Variants in RIMS2 observed in about 807,000 individuals in gnomAD.
The protein encoded by RIMS2 is regulating synaptic membrane exocytosis protein 2.
A neutral mutation model predicts 174.4 loss-of-function variants in RIMS2; 59 were observed. That is an observed-to-expected ratio of 0.34 (90% confidence interval 0.27 to 0.42). The LOEUF (loss-of-function observed/expected upper bound fraction) is 0.42, where lower values mean the gene tolerates loss of function less well. RIMS2 is among the 10% of genes least tolerant of loss of function. RIMS2 has a pLI of 1.00. For synonymous variants in RIMS2, 606 were observed against 572.5 expected (o/e 1.06, Z -0.84); for missense variants, 1,620 against 1,666.3 (o/e 0.97, Z 0.48).
At chr8:104,071,074 G>C (rs1025692844) in intron 19 of RIMS2, among the ~76,000 whole-genome samples, 1 of 152,094 alleles carries the variant, frequency 6.6e-6, no homozygotes, top group Non-Finnish European at 1.5e-5. Context: ...ATAAAGACAA[G>C]TTTCTTAGAA....
At chr8:103,588,663 G>T (rs2094098856) in intron 1 of RIMS2, among the ~76,000 whole-genome samples, 1 of 151,718 alleles carries the variant, frequency 6.6e-6, no homozygotes, top group Non-Finnish European at 1.5e-5. Context: ...TTGGGAAAGG[G>T]CAGTCTCTTC....
At chr8:103,535,811 A>G (rs564400597) in intron 1 of RIMS2, among the ~76,000 whole-genome samples, 1 of 152,372 alleles carries the variant, frequency 6.6e-6, no homozygotes, top group East Asian at 1.9e-4. Context: ...AACAAAGTTC[A>G]GAAGGAGCTA....
chr8:104,072,691 G>A (rs969835118), intron 19 of RIMS2, among the ~76,000 whole-genome samples: 1 of 151,796 alleles, frequency 6.6e-6, no homozygotes, highest in Non-Finnish European at 1.5e-5. Context: ...CATTCTACAT[G>A]GCATTGCTCC....
Position 103,522,760 on chromosome 8 carries a change from T to C in RIMS2, c.176+21698T>C, listed in dbSNP as rs557834215. ...TAATTTCTGAATGGCTAATAAGTTA[T>C]AACCTTAAACAGATATTTACTTACC... On this transcript the variant is annotated intron_variant, in intron 1 of 23. Coordinates refer to ENST00000504942, the Ensembl canonical transcript of RIMS2. 4.6e-5 allele frequency among the ~76,000 whole-genome samples: 7 copies of C among 152,310 alleles called. No homozygotes were observed. The South Asian group carries it at 1.4e-3, about 32-fold the overall frequency.
intron 17 of RIMS2, among the ~76,000 whole-genome samples, chr8:104,003,249 T>C (rs912867639): frequency 1.3e-5 from 2 of 152,042 alleles, no homozygotes; most frequent in East Asian, 1.9e-4. Flanking sequence ...ATTATTTAGA[T>C]TGATGTGGAG....
intron 19 of RIMS2, among the ~76,000 whole-genome samples, chr8:104,145,380 A>G (rs1389239766): frequency 6.6e-6 from 1 of 152,148 alleles, no homozygotes; most frequent in African/African-American, 2.4e-5. Flanking sequence ...TAAAAAAATT[A>G]CTAATGTAAT....
At chr8:103,946,026 G>C (rs555146008) in intron 14 of RIMS2, among the ~76,000 whole-genome samples, 11 of 152,128 alleles carry the variant, frequency 7.2e-5, no homozygotes, top group Admixed American at 1.3e-4. Flanking sequence ...AGAATGGTGA[G>C]GGAGAAGAGA....
chr8:103,945,164 T>C (rs952793005), intron 14 of RIMS2, among the ~76,000 whole-genome samples: 5 of 152,026 alleles, frequency 3.3e-5, no homozygotes, highest in Non-Finnish European at 7.4e-5. Context: ...AAGTGTGTAA[T>C]TCCCCTTTGG....
intron 19 of RIMS2, among the ~76,000 whole-genome samples, chr8:104,190,026 C>T (rs2098989626): frequency 6.6e-6 from 1 of 151,904 alleles, no homozygotes; most frequent in South Asian, 2.1e-4. Context: ...ACACATATTA[C>T]AGCATGGTGG....
At chr8:103,613,480 C>T (rs1043899466) in intron 1 of RIMS2, among the ~76,000 whole-genome samples, 3 of 152,192 alleles carry the variant, frequency 2.0e-5, no homozygotes, top group African/African-American at 4.8e-5. Flanking sequence ...AGGGCAGGTC[C>T]AGAAATTCTC....
rs1589897972 is a variant in RIMS2, at chr8:103,663,303, T to C, written c.177-33783T>C. On this transcript the variant is annotated intron_variant, in intron 1 of 23. Transcript: ENST00000504942. ...TTTGTATTAAGGAGGTGTGTTACAA[T>C]AGAAATAAAGGGTATTCAGTTAGGA... Among the ~76,000 whole-genome samples the C allele has an allele frequency of 3.3e-5, 5 of 152,172 alleles. 1 individual carries two copies. Among genetic ancestry groups the C allele is most frequent in the Admixed American group, 3.3e-4 (5 of 15,280 alleles).
intron 3 of RIMS2, among the ~76,000 whole-genome samples, chr8:103,866,371 C>T (rs207469617): frequency 1.3e-5 from 2 of 152,064 alleles, no homozygotes; most frequent in South Asian, 2.1e-4. Context: ...CATGTAATGG[C>T]GTTTCTGAGA....
At chr8:103,910,488 A>G in intron 5 of RIMS2, 2 of 1,597,662 alleles carry the variant, frequency 1.3e-6, no homozygotes, top group Non-Finnish European at 1.7e-6. Flanking sequence ...AGATACGTGT[A>G]GTAGCACAAC....
intron 1 of RIMS2, among the ~76,000 whole-genome samples, chr8:103,680,703 A>G (rs1021737261): frequency 2.0e-5 from 3 of 152,042 alleles, no homozygotes; most frequent in Non-Finnish European, 2.9e-5. Context: ...AAGGATATGA[A>G]TAGGCAGTTC....
intron 19 of RIMS2, among the ~76,000 whole-genome samples, chr8:104,082,288 C>T (rs112072135): frequency 6.6e-6 from 1 of 152,052 alleles, no homozygotes; most frequent in Non-Finnish European, 1.5e-5. Context: ...CATATCCTTT[C>T]AATCCAAGAG....
chr8:103,620,803 A>G (rs1281811131), intron 1 of RIMS2, among the ~76,000 whole-genome samples: 1 of 152,228 alleles, frequency 6.6e-6, no homozygotes, highest in Non-Finnish European at 1.5e-5. Flanking sequence ...GTGGTTACTC[A>G]GTAAATAAGA....
Position 103,788,530 on chromosome 8 carries a change from G to A in RIMS2, c.698+21993G>A, listed in dbSNP as rs1240600927. ...TGCAGGTCTGTTGGAATACCCTGCT[G>A]TGTGAGGTGTCAGTGTGCCCCTGCT... On this transcript the variant is annotated intron_variant, in intron 3 of 23. Coordinates refer to ENST00000504942, the Ensembl canonical transcript of RIMS2. Among the ~76,000 whole-genome samples, 4 of 151,314 alleles carry A rather than the reference G, an allele frequency of 2.6e-5. No homozygotes were observed. The East Asian group carries it at 5.8e-4, about 22-fold the overall frequency.
rs149760252 is a variant in RIMS2 at position 103,530,373 on chromosome 8, A to G, written c.176+29311A>G. 3.3e-3 allele frequency among the ~76,000 whole-genome samples: 499 copies of G among 152,268 alleles called. 3 individuals carry two copies. The Middle Eastern group carries it at 0.099, about 30-fold the overall frequency. Reference sequence around the variant, plus strand: ...ATAAACATAAAAGAGTTGGAGGCAAATAGCAAGTAGTAAAACAGTAGATTT... The same window carrying G: ...ATAAACATAAAAGAGTTGGAGGCAAGTAGCAAGTAGTAAAACAGTAGATTT... On this transcript the variant is annotated intron_variant, in intron 1 of 23. Transcript: ENST00000504942.
intron 9 of RIMS2, among the ~76,000 whole-genome samples, chr8:103,919,381 C>T (rs10091544): frequency 0.65 from 98,635 of 151,770 alleles, 33,091 homozygotes; most frequent in African/African-American, 0.72. Flanking sequence ...TGAATGAGGA[C>T]AGAGGAATAA....
Sources: allele counts gnomAD v4.1 joint callset (sites outside exome capture counted in the v4.1 genomes callset), GRCh38; gene constraint gnomAD v4.1.1; transcripts MANE v1.5; gene names NCBI Gene and HGNC (gene_info 2026-07-23, HGNC 2026-07-21).